ASCC1: variants seen among roughly 807,000 people sequenced by gnomAD.
ASCC1 encodes activating signal cointegrator 1 complex subunit 1, also known as ASC-1 complex subunit P50.
In ASCC1, 35 loss-of-function variants were observed where a neutral mutation model predicts 46.6. The ratio of observed to expected loss-of-function variants is 0.75; its 90% CI spans 0.57 to 0.99. The LOEUF (loss-of-function observed/expected upper bound fraction) is 0.99. Among genes scored for constraint, ASCC1 ranks in the 50% least tolerant of loss-of-function variants. The pLI, the probability that ASCC1 is intolerant of heterozygous loss-of-function variation, is 0.00. For synonymous variants in ASCC1, 143 were observed against 146.6 expected, an observed-to-expected ratio of 0.98 and a Z score of 0.18; for missense variants, 376 against 428.7, an observed-to-expected ratio of 0.88 and a Z score of 1.09.
At chr10:72,213,881 T>C (rs926339016) in intron 1 of ASCC1, among the ~76,000 whole-genome samples, 4 of 150,092 alleles carry the variant, frequency 2.7e-5, no homozygotes, top group African/African-American at 9.8e-5. Flanking sequence ...CTACTAAAAA[T>C]ACAAAAATTA....
chr10:72,203,118 C>T (rs1206782088), intron 4 of ASCC1, among the ~76,000 whole-genome samples: 3 of 151,996 alleles, frequency 2.0e-5, no homozygotes, highest in Non-Finnish European at 4.4e-5. Context: ...GAAACCCCGC[C>T]TCCACTAAAA....
At chr10:72,125,156 T>C (rs1003554107) in intron 9 of ASCC1, among the ~76,000 whole-genome samples, 2 of 152,226 alleles carry the variant, frequency 1.3e-5, no homozygotes, top group Non-Finnish European at 2.9e-5. Flanking sequence ...TGGAGTAGAA[T>C]AGCAATTGGC....
intron 5 of ASCC1, among the ~76,000 whole-genome samples, chr10:72,181,505 CAG>C (rs1852616750): frequency 6.6e-6 from 1 of 151,640 alleles, no homozygotes; most frequent in African/African-American, 2.4e-5. Context: ...AAAAAACAAA[CAG>C]ATTTTAACAT....
At chr10:72,164,644 T>C (rs564648657) in intron 5 of ASCC1, among the ~76,000 whole-genome samples, 3 of 152,222 alleles carry the variant, frequency 2.0e-5, no homozygotes, top group Non-Finnish European at 4.4e-5. Context: ...TTAGGGTATA[T>C]ACCCAGGAGG....
At chr10:72,166,221 G>C (rs901454977) in intron 5 of ASCC1, among the ~76,000 whole-genome samples, 1 of 152,084 alleles carries the variant, frequency 6.6e-6, no homozygotes, top group East Asian at 1.9e-4. Flanking sequence ...TTTCAACACA[G>C]CTCACTCAAT....
chr10:72,101,085 A>C (rs1254274350), intron 9 of ASCC1, among the ~76,000 whole-genome samples: 2 of 152,162 alleles, frequency 1.3e-5, no homozygotes, highest in Non-Finnish European at 2.9e-5. Flanking sequence ...CCTGATCTGG[A>C]ATATTGCTGA....
At chr10:72,139,070 A>C (rs554864225) in intron 7 of ASCC1, among the ~76,000 whole-genome samples, 13 of 151,870 alleles carry the variant, frequency 8.6e-5, no homozygotes, top group African/African-American at 3.1e-4. Context: ...ATAATCGTTA[A>C]ATTTCAGGTT....
chr10:72,178,501 G>A (rs931285891), intron 5 of ASCC1, among the ~76,000 whole-genome samples: 1 of 152,154 alleles, frequency 6.6e-6, no homozygotes, highest in African/African-American at 2.4e-5. Flanking sequence ...CACGTGTCAA[G>A]GAAACGGCAC....
chr10:72,149,393 A>C (rs956195638), intron 7 of ASCC1, among the ~76,000 whole-genome samples: 3 of 138,078 alleles, frequency 2.2e-5, no homozygotes, highest in South Asian at 2.4e-4. Flanking sequence ...AGCCTAGATC[A>C]CGCCACTGCA....
At chr10:72,126,548 A>G (rs3780948) in intron 9 of ASCC1, among the ~76,000 whole-genome samples, 52,062 of 151,856 alleles carry the variant, frequency 0.34, 9,768 homozygotes, top group South Asian at 0.44. Flanking sequence ...CCCCACTCTT[A>G]CAGATGTCAA....
At chr10:72,182,834 A>AGG (rs1852833911) in intron 5 of ASCC1, among the ~76,000 whole-genome samples, 1 of 150,018 alleles carries the variant, frequency 6.7e-6, no homozygotes, top group African/African-American at 2.5e-5. Context: ...AAAAAGAGAG[A>AGG]GAGAGACAAA....
chr10:72,204,341 T>G lies in ASCC1; in HGVS notation c.213-817A>C, dbSNP rs765890429. 108 of 1,524,270 alleles carry G rather than the reference T, an allele frequency of 7.1e-5. 1 individual carries two copies. The highest frequency in any genetic ancestry group is 9.2e-5 in the Non-Finnish European group (104 of 1,125,786). 94.4% of individuals were successfully genotyped at this position (1,524,270 alleles called of 1,614,324 possible). A position where few individuals can be genotyped will look rare whatever the true frequency, so the allele number is the denominator to read the frequency against. Reference sequence around the variant, plus strand: ...CAGCGAGCTACAGCCAACTCTCGACTACCCCATGAAGACGGGACATGAGCT... The same window carrying G: ...CAGCGAGCTACAGCCAACTCTCGACGACCCCATGAAGACGGGACATGAGCT... On this transcript the variant is annotated intron_variant, in intron 3 of 9. Transcript: ENST00000672957.
intron 9 of ASCC1, among the ~76,000 whole-genome samples, chr10:72,098,278 C>T (rs1334219179): frequency 6.6e-6 from 1 of 152,146 alleles, no homozygotes; most frequent in African/African-American, 2.4e-5. Context: ...GAATAAGGAG[C>T]GTCAAAGAGT....
intron 7 of ASCC1, among the ~76,000 whole-genome samples, chr10:72,141,285 T>C (rs1393483085): frequency 6.6e-6 from 1 of 152,194 alleles, no homozygotes; most frequent in East Asian, 1.9e-4. Context: ...TAATCTCTTT[T>C]TAACACATAA....
intron 7 of ASCC1, among the ~76,000 whole-genome samples, chr10:72,146,417 T>C (rs1847636204): frequency 6.6e-6 from 1 of 152,090 alleles, no homozygotes; most frequent in African/African-American, 2.4e-5. Context: ...AGAGTGAACG[T>C]TTTCAGAAAA....
intron 6 of ASCC1, among the ~76,000 whole-genome samples, chr10:72,156,855 G>A (rs1849043358): frequency 6.6e-6 from 1 of 151,604 alleles, no homozygotes; most frequent in Admixed American, 6.6e-5. Context: ...TCTTGACATT[G>A]AACCCAGGTC....
intron 6 of ASCC1, among the ~76,000 whole-genome samples, chr10:72,160,887 T>C (rs1036722384): frequency 6.6e-6 from 1 of 150,518 alleles, no homozygotes; most frequent in African/African-American, 2.4e-5. Context: ...ATCAAGACCA[T>C]CCTGGCTAAA....
intron 9 of ASCC1, among the ~76,000 whole-genome samples, chr10:72,117,603 A>G (rs1843647064): frequency 6.6e-6 from 1 of 152,184 alleles, no homozygotes; most frequent in Non-Finnish European, 1.5e-5. Flanking sequence ...TGTAATCTCC[A>G]AGGACCCTCT....
intron 5 of ASCC1, among the ~76,000 whole-genome samples, chr10:72,185,269 A>G (rs1019030384): frequency 2.0e-5 from 3 of 152,214 alleles, no homozygotes; most frequent in Non-Finnish European, 2.9e-5. Flanking sequence ...CAATTACACT[A>G]TTAAGTATTT....
Sources: allele counts gnomAD v4.1 joint callset (sites outside exome capture counted in the v4.1 genomes callset), GRCh38; gene constraint gnomAD v4.1.1; transcripts MANE v1.5; gene names NCBI Gene and HGNC (gene_info 2026-07-23, HGNC 2026-07-21).